The following SGCG variants were observed in gnomAD, a reference collection of about 807,000 sequenced individuals.
SGCG encodes the protein gamma-sarcoglycan.
SGCG carries 26 observed loss-of-function variants against 29.3 expected under a neutral mutation model. The ratio of observed to expected loss-of-function variants is 0.89; its 90% CI spans 0.65 to 1.23. The LOEUF (loss-of-function observed/expected upper bound fraction) is 1.23. Ranked by LOEUF, SGCG falls within the 50% of genes most tolerant of loss-of-function variation. The probability of loss-of-function intolerance (pLI) is 0.00; values close to 1 mark genes in which losing one functional copy is unlikely to be tolerated. For synonymous variants in SGCG, 145 were observed against 129.7 expected, an observed-to-expected ratio of 1.12 and a Z score of -0.80; for missense variants, 353 against 356.0, an observed-to-expected ratio of 0.99 and a Z score of 0.07.
rs529362941 is a variant in SGCG, at chr13:23,191,205, C to T, written c.-1+10130C>T. On this transcript the variant is annotated intron_variant, in intron 1 of 7. Coordinates refer to ENST00000218867, the MANE Select transcript of SGCG (RefSeq NM_000231.3). ...GTAATTCCAGTTATATTTTATGAGC[C>T]AAAATAATAGCATGCCTTTAATCTG... Among the ~76,000 whole-genome samples the T allele has an allele frequency of 4.6e-5, 7 of 152,066 alleles. No individual in the cohort carries two copies. In the East Asian group the frequency reaches 1.4e-3, roughly 29 times the overall value.
At chr13:23,239,139 G>A (rs554770398) in intron 3 of SGCG, among the ~76,000 whole-genome samples, 1 of 151,650 alleles carries the variant, frequency 6.6e-6, no homozygotes, top group Non-Finnish European at 1.5e-5. Context: ...CCAAACAAAA[G>A]AAACAAGGAA....
chr13:23,207,341 A>G (rs1878020555), intron 2 of SGCG, among the ~76,000 whole-genome samples: 2 of 152,222 alleles, frequency 1.3e-5, no homozygotes, highest in South Asian at 2.1e-4. Flanking sequence ...AGATTTAAAC[A>G]TAAGGCCTAA....
At chr13:23,275,330 C>T (rs887165819) in intron 4 of SGCG, among the ~76,000 whole-genome samples, 4 of 151,770 alleles carry the variant, frequency 2.6e-5, no homozygotes, top group African/African-American at 9.7e-5. Flanking sequence ...GCCTGGGCAA[C>T]ATGGCAAAAC....
At chr13:23,276,927 G>T (rs1881102088) in intron 4 of SGCG, among the ~76,000 whole-genome samples, 1 of 152,130 alleles carries the variant, frequency 6.6e-6, no homozygotes, top group African/African-American at 2.4e-5. Context: ...TTTAAGCTGT[G>T]AGCTATATCT....
chr13:23,261,777 A>G (rs1880446863), intron 4 of SGCG, among the ~76,000 whole-genome samples: 1 of 152,094 alleles, frequency 6.6e-6, no homozygotes, highest in South Asian at 2.1e-4. Context: ...GGTAACCTAT[A>G]AAGGAAAACC....
At chr13:23,311,602 A>G (rs921788292) in intron 6 of SGCG, among the ~76,000 whole-genome samples, 3 of 152,168 alleles carry the variant, frequency 2.0e-5, no homozygotes, top group Non-Finnish European at 4.4e-5. Context: ...GGCCTGGGGT[A>G]GAGATGAGGG....
At position 23,196,982 on chromosome 13, in the gene SGCG, T is replaced by C. The variant is rs576827545; in HGVS notation, c.1-6713T>C. Among the ~76,000 whole-genome samples the C allele has an allele frequency of 5.9e-5, 9 of 152,332 alleles. No individual in the cohort carries two copies. In the South Asian group the frequency reaches 1.9e-3, roughly 32 times the overall value. ...CCATCCCACTAGCTTGCTCCTTCCC[T>C]GCCAGCTCACCTCCTGGAAGAGCAA... is the stretch of plus-strand genomic sequence containing the variant. On this transcript the variant is annotated intron_variant, in intron 1 of 7. Transcript: ENST00000218867.
chr13:23,295,948 A>T (rs35816488), intron 6 of SGCG, among the ~76,000 whole-genome samples: 1 of 151,892 alleles, frequency 6.6e-6, no homozygotes, highest in Non-Finnish European at 1.5e-5. Flanking sequence ...CCCATCCCAC[A>T]CCATCCCCTC....
intron 1 of SGCG, among the ~76,000 whole-genome samples, chr13:23,188,311 C>CTTTTTTTT (rs71100159): frequency 1.3e-5 from 1 of 78,366 alleles, no homozygotes; most frequent in African/African-American, 4.9e-5. Flanking sequence ...TTTACTAAGG[C>CTTTTTTTT]TTTTTTTTTT....
chr13:23,281,877 G>T (rs1221246818), intron 5 of SGCG, among the ~76,000 whole-genome samples: 8 of 152,216 alleles, frequency 5.3e-5, no homozygotes, highest in Admixed American at 2.6e-4. Flanking sequence ...CCACAGGCCA[G>T]TATCCGTCTA....
chr13:23,232,775 C>T (rs976718104), intron 2 of SGCG, among the ~76,000 whole-genome samples: 2 of 151,978 alleles, frequency 1.3e-5, no homozygotes, highest in Admixed American at 1.3e-4. Flanking sequence ...GTACAAGACT[C>T]CATCTCAAAA....
intron 5 of SGCG, among the ~76,000 whole-genome samples, chr13:23,294,482 A>T (rs1881831142): frequency 6.6e-6 from 1 of 152,124 alleles, no homozygotes; most frequent in Non-Finnish European, 1.5e-5. Flanking sequence ...CCATATGTTC[A>T]TAAAAGTTTA....
chr13:23,324,623 C>T lies in SGCG; in HGVS notation c.*82C>T. The T allele has an allele frequency of 7.8e-7, 1 of 1,280,284 alleles. No homozygotes were observed. The highest frequency in any genetic ancestry group is 1.8e-5 in the Admixed American group (1 of 56,782). The allele number at this position is 1,280,284 out of a possible 1,614,324, so 79.3% of individuals were successfully genotyped here. ...GGGAGCAGCTGCACATCGTGAAAGA[C>T]TGAGGCAGCGTGGATGGGAAGTAAA... is the stretch of plus-strand genomic sequence containing the variant. On this transcript the variant is annotated 3_prime_UTR_variant, in exon 8 of 8. Transcript: ENST00000218867.
chr13:23,176,620 G>A (rs1439714166), upstream of SGCG, among the ~76,000 whole-genome samples: 1 of 151,618 alleles, frequency 6.6e-6, no homozygotes, highest in African/African-American at 2.4e-5. Context: ...TAGTCTATGT[G>A]TGTCCTTATA....
intron 2 of SGCG, among the ~76,000 whole-genome samples, chr13:23,212,021 T>C (rs1403184667): frequency 6.6e-6 from 1 of 152,122 alleles, no homozygotes; most frequent in Non-Finnish European, 1.5e-5. Context: ...TATCATGAGA[T>C]CTGGTTGGTT....
intron 3 of SGCG, among the ~76,000 whole-genome samples, chr13:23,242,144 T>C (rs908606494): frequency 6.6e-6 from 1 of 152,168 alleles, no homozygotes; most frequent in Non-Finnish European, 1.5e-5. Context: ...ATATTACAAA[T>C]AACTTTATGC....
chr13:23,299,407 CATATATATATATAT>C (rs1191940207), intron 6 of SGCG, among the ~76,000 whole-genome samples: 1 of 23,924 alleles, frequency 4.2e-5, no homozygotes, highest in Admixed American at 8.0e-4. Context: ...TCTTAGTTGG[CATATATATATATAT>C]ATATATATAT....
intron 6 of SGCG, among the ~76,000 whole-genome samples, chr13:23,314,382 T>TTTTATATATA (rs1240016735): frequency 0.027 from 2,137 of 78,486 alleles, 113 homozygotes; most frequent in East Asian, 0.08. Context: ...CTGCTATAGG[T>TTTTATATATA]TATATATATA....
intron 6 of SGCG, among the ~76,000 whole-genome samples, chr13:23,307,171 A>G (rs1882391136): frequency 6.6e-6 from 1 of 152,208 alleles, no homozygotes; most frequent in Non-Finnish European, 1.5e-5. Context: ...GACAAACTGA[A>G]CTTTTATAGT....
Sources: allele counts gnomAD v4.1 joint callset (sites outside exome capture counted in the v4.1 genomes callset), GRCh38; gene constraint gnomAD v4.1.1; transcripts MANE v1.5; gene names NCBI Gene and HGNC (gene_info 2026-07-23, HGNC 2026-07-21).